Variants in ADAMTSL1 observed in about 807,000 individuals in gnomAD.
ADAMTSL1 encodes the protein ADAMTS like 1, also known as ADAMTS-like protein 1.
In ADAMTSL1, 126 loss-of-function variants were observed where a neutral mutation model predicts 201.8. That is an observed-to-expected ratio of 0.62 (90% CI 0.54 to 0.72). ADAMTSL1 has a LOEUF of 0.72. Among genes scored for constraint, ADAMTSL1 ranks in the 30% least tolerant of loss-of-function variants. The probability of loss-of-function intolerance (pLI) is 0.00; values close to 1 mark genes in which losing one functional copy is unlikely to be tolerated. For missense variants in ADAMTSL1, 2,679 were observed against 2,277.8 expected (o/e 1.18, Z -3.59); for synonymous variants, 1,121 against 903.4 (o/e 1.24, Z -4.32).
At chr9:18,886,691 T>G (rs1429565464) in intron 23 of ADAMTSL1, among the ~76,000 whole-genome samples, 1 of 152,196 alleles carries the variant, frequency 6.6e-6, no homozygotes, top group Non-Finnish European at 1.5e-5. Context: ...GCCTCTTTTA[T>G]GGGGACACTA....
At chr9:18,268,271 A>G (rs979620141) in intron 2 of ADAMTSL1, among the ~76,000 whole-genome samples, 1 of 152,184 alleles carries the variant, frequency 6.6e-6, no homozygotes, top group Non-Finnish European at 1.5e-5. Flanking sequence ...TGTATTGATT[A>G]TAATAGTATG....
At chr9:18,270,856 C>T (rs16936500) in intron 2 of ADAMTSL1, among the ~76,000 whole-genome samples, 6,930 of 152,156 alleles carry the variant, frequency 0.046, 244 homozygotes, top group Non-Finnish European at 0.074. Flanking sequence ...ATATGTCATT[C>T]GGGCAAGTGG....
chr9:18,177,636 C>T (rs1828231018), intron 2 of ADAMTSL1, among the ~76,000 whole-genome samples: 1 of 152,174 alleles, frequency 6.6e-6, no homozygotes, highest in Non-Finnish European at 1.5e-5. Context: ...GGCACCAGAG[C>T]TCCAGTCATT....
At chr9:17,931,006 C>T (rs1198536007) in intron 1 of ADAMTSL1, among the ~76,000 whole-genome samples, 2 of 152,152 alleles carry the variant, frequency 1.3e-5, no homozygotes, top group Non-Finnish European at 2.9e-5. Flanking sequence ...TCCCACATCA[C>T]CTGATAAGTC....
chr9:18,183,031 C>A (rs1384623062), intron 2 of ADAMTSL1, among the ~76,000 whole-genome samples: 6 of 152,156 alleles, frequency 3.9e-5, no homozygotes, highest in Non-Finnish European at 5.9e-5. Flanking sequence ...CCATTAATTC[C>A]TATATGTTAT....
At chr9:18,297,962 G>A (rs1833539550) in intron 2 of ADAMTSL1, among the ~76,000 whole-genome samples, 1 of 152,262 alleles carries the variant, frequency 6.6e-6, no homozygotes, top group South Asian at 2.1e-4. Flanking sequence ...TCAGTCCCAC[G>A]TCCTATTTCA....
At chr9:18,310,628 A>C (rs539599650) in intron 2 of ADAMTSL1, among the ~76,000 whole-genome samples, 1 of 152,330 alleles carries the variant, frequency 6.6e-6, no homozygotes, top group African/African-American at 2.4e-5. Context: ...TGGTCATTAG[A>C]GAAATGCAAG....
chr9:18,504,757 G>T, intron 1 of ADAMTSL1, 72 bp from the exon 2 acceptor site: 2 of 1,610,276 alleles, frequency 1.2e-6, no homozygotes, highest in Non-Finnish European at 1.7e-6. Context: ...GTACAGGCCA[G>T]TCACATTTTA....
chr9:18,699,259 G>A (rs1251756946), intron 13 of ADAMTSL1, among the ~76,000 whole-genome samples: 1 of 149,976 alleles, frequency 6.7e-6, no homozygotes, highest in Non-Finnish European at 1.5e-5. Flanking sequence ...GAAAAAGTCT[G>A]TTTGTTACTT....
intron 23 of ADAMTSL1, among the ~76,000 whole-genome samples, chr9:18,866,960 G>A (rs1001414242): frequency 6.6e-6 from 1 of 152,188 alleles, no homozygotes; most frequent in African/African-American, 2.4e-5. Context: ...TAGAGGAAGA[G>A]GCAAGAGGAA....
intron 13 of ADAMTSL1, among the ~76,000 whole-genome samples, chr9:18,688,475 T>TG (rs1257675718): frequency 6.7e-6 from 1 of 149,604 alleles, no homozygotes; most frequent in Non-Finnish European, 1.5e-5. Flanking sequence ...AAGACCAGCC[T>TG]GGGCAACATA....
intron 19 of ADAMTSL1, among the ~76,000 whole-genome samples, chr9:18,783,186 G>T (rs1410122617): frequency 6.6e-6 from 1 of 152,226 alleles, no homozygotes; most frequent in African/African-American, 2.4e-5. Flanking sequence ...AATAAGGCAA[G>T]AACACTTCTC....
chr9:18,827,793 G>T (rs949200841), intron 22 of ADAMTSL1, among the ~76,000 whole-genome samples: 3 of 152,156 alleles, frequency 2.0e-5, no homozygotes, highest in Non-Finnish European at 2.9e-5. Flanking sequence ...AGTGAACACG[G>T]TGTTCGAAGA....
intron 2 of ADAMTSL1, among the ~76,000 whole-genome samples, chr9:18,233,128 C>T (rs1587364185): frequency 6.6e-6 from 1 of 152,100 alleles, no homozygotes; most frequent in African/African-American, 2.4e-5. Context: ...ATGTATGTTG[C>T]AGTACAAAAT....
At chr9:18,094,324 C>T (rs1824149749) in intron 1 of ADAMTSL1, among the ~76,000 whole-genome samples, 1 of 152,192 alleles carries the variant, frequency 6.6e-6, no homozygotes. Flanking sequence ...TTATCTGCCT[C>T]TATCTCTATT....
At chr9:18,625,859 C>T (rs560819019) in intron 5 of ADAMTSL1, among the ~76,000 whole-genome samples, 1 of 152,188 alleles carries the variant, frequency 6.6e-6, no homozygotes, top group Non-Finnish European at 1.5e-5. Flanking sequence ...ACTTAACTCA[C>T]TTATATCAAG....
chr9:18,524,305 T>C (rs1283257658), intron 2 of ADAMTSL1, among the ~76,000 whole-genome samples: 1 of 152,248 alleles, frequency 6.6e-6, no homozygotes, highest in Admixed American at 6.5e-5. Context: ...CCTGAGACTT[T>C]GCTGAAGTTG....
chr9:18,712,187 G>A (rs932452213), intron 14 of ADAMTSL1, among the ~76,000 whole-genome samples: 7 of 152,228 alleles, frequency 4.6e-5, no homozygotes, highest in African/African-American at 2.4e-5. Context: ...AAAAAGCAGA[G>A]CGCCTCTCCT....
chr9:17,973,237 C>A (rs904192259), intron 1 of ADAMTSL1, among the ~76,000 whole-genome samples: 1 of 150,756 alleles, frequency 6.6e-6, no homozygotes, highest in African/African-American at 2.4e-5. Flanking sequence ...GAAGTCCTTG[C>A]CCAGGCCTAT....
Sources: allele counts gnomAD v4.1 joint callset (sites outside exome capture counted in the v4.1 genomes callset), GRCh38; gene constraint gnomAD v4.1.1; transcripts MANE v1.5; gene names NCBI Gene and HGNC (gene_info 2026-07-23, HGNC 2026-07-21).